Variants in EZR observed in about 807,000 individuals in gnomAD.
EZR encodes the protein cytovillin 2.
A neutral mutation model predicts 74.8 loss-of-function variants in EZR; 40 were observed. The observed-to-expected ratio is 0.53, with a 90% CI of 0.42 to 0.70. The LOEUF is 0.70. EZR is among the 30% of genes least tolerant of loss of function. The pLI, the probability that EZR is intolerant of heterozygous loss-of-function variation, is 0.00. For synonymous variants in EZR, 341 were observed against 283.3 expected (o/e 1.20, Z -2.05); for missense variants, 678 against 755.8 (o/e 0.90, Z 1.21).
intron 2 of EZR, among the ~76,000 whole-genome samples, chr6:158,802,808 G>A (rs1371170823): frequency 1.3e-5 from 2 of 152,150 alleles, no homozygotes; most frequent in Non-Finnish European, 2.9e-5. Context: ...GGGATTACAG[G>A]TGTGAGCCAC....
intron 11 of EZR, 140 bp from the exon 12 acceptor site, chr6:158,769,558 GGGT>G (rs1791031433): frequency 9.6e-7 from 1 of 1,043,458 alleles, no homozygotes; most frequent in African/African-American, 1.6e-5. Flanking sequence ...ATGGCCAGCA[GGGT>G]CCATTGTGCA....
At chr6:158,799,252 C>G (rs1410690804) in intron 2 of EZR, among the ~76,000 whole-genome samples, 1 of 152,144 alleles carries the variant, frequency 6.6e-6, no homozygotes, top group Non-Finnish European at 1.5e-5. Context: ...AAACAGTTTC[C>G]TGGACCCCAG....
intron 2 of EZR, among the ~76,000 whole-genome samples, chr6:158,809,569 G>C (rs549017771): frequency 6.6e-6 from 1 of 152,274 alleles, no homozygotes; most frequent in African/African-American, 2.4e-5. Context: ...TAGTTTCTGA[G>C]TCCATGCTCA....
chr6:158,782,388 T>C (rs1791455742), intron 7 of EZR, among the ~76,000 whole-genome samples: 1 of 152,136 alleles, frequency 6.6e-6, no homozygotes, highest in Admixed American at 6.5e-5. Flanking sequence ...TGGGGGAACC[T>C]GAGATGTGGG....
At chr6:158,772,209 G>C (rs73799903) in intron 8 of EZR, among the ~76,000 whole-genome samples, 1 of 152,220 alleles carries the variant, frequency 6.6e-6, no homozygotes, top group Non-Finnish European at 1.5e-5. Flanking sequence ...AAGGGCAGGG[G>C]CCACACATTC....
intron 1 of EZR, among the ~76,000 whole-genome samples, chr6:158,818,827 G>GGGGAGAGGGGGCACAGGGC (rs1229272370): frequency 1.3e-5 from 2 of 150,188 alleles, no homozygotes; most frequent in African/African-American, 2.4e-5. Flanking sequence ...GGAGGGGTCA[G>GGGGAGAGGGGGCACAGGGC]GGGAGAGGGG....
At chr6:158,785,989 T>A (rs1241337719) in intron 4 of EZR, among the ~76,000 whole-genome samples, 1 of 152,168 alleles carries the variant, frequency 6.6e-6, no homozygotes, top group East Asian at 1.9e-4. Context: ...AGTTCGAGAC[T>A]GCAGTGAGCT....
At chr6:158,810,094 GACT>G (rs921512071) in intron 2 of EZR, among the ~76,000 whole-genome samples, 2 of 152,178 alleles carry the variant, frequency 1.3e-5, no homozygotes, top group African/African-American at 4.8e-5. Context: ...CTGATATACT[GACT>G]ACTAGAGTTT....
chr6:158,800,166 T>C (rs1777159973), intron 2 of EZR, among the ~76,000 whole-genome samples: 1 of 152,176 alleles, frequency 6.6e-6, no homozygotes, highest in Non-Finnish European at 1.5e-5. Flanking sequence ...TATCAAAATA[T>C]TCAAAACATT....
At chr6:158,818,011 C>A in intron 2 of EZR, 71 bp downstream of exon 2, 1 of 1,519,824 alleles carries the variant, frequency 6.6e-7, no homozygotes, top group East Asian at 2.3e-5. Flanking sequence ...TGCCCCAACA[C>A]CTCGAGCAGG....
intron 5 of EZR, among the ~76,000 whole-genome samples, chr6:158,784,941 A>G (rs372737733): frequency 2.0e-5 from 3 of 152,220 alleles, no homozygotes; most frequent in African/African-American, 7.2e-5. Flanking sequence ...GTTCTGCTGG[A>G]AAAACTAAGA....
chr6:158,767,085 C>CATTA lies in EZR; in HGVS notation c.1597-11_1597-8dup, dbSNP rs539503188. On this transcript the variant is annotated splice_region_variant and splice_polypyrimidine_tract_variant and intron_variant, in intron 13 of 13. Coordinates refer to ENST00000367075, the MANE Select transcript of EZR (RefSeq NM_001111077.2). ...ACAGCTCGCTGCTCAGCGTCTGTAA[C>CATTA]ATTAAGCAGCATTGGTCTAGTCCCT... 8.2e-5 allele frequency: 132 copies of CATTA among 1,614,038 alleles called. No individual in the cohort carries two copies. In the East Asian group the frequency reaches 2.8e-3, roughly 35 times the overall value.
At chr6:158,803,582 CATATATATATATATATAT>C (rs60495898) in intron 2 of EZR, among the ~76,000 whole-genome samples, 1,645 of 43,630 alleles carry the variant, frequency 0.038, 351 homozygotes, top group African/African-American at 0.1. Context: ...TATATATATA[CATATATATATATATATAT>C]ATATACATAT....
chr6:158,787,275 T>C (rs1250856161), intron 3 of EZR, 72 bp from the exon 4 acceptor site: 6 of 1,274,324 alleles, frequency 4.7e-6, no homozygotes, highest in East Asian at 2.3e-5. Flanking sequence ...TTGGCTGTCG[T>C]TCATCACATG....
rs2128564977 is a variant in EZR at position 158,769,942 on chromosome 6, G to A, written c.1093C>T (p.Leu365Phe). 6.2e-7 allele frequency: 1 copy of A among 1,609,706 alleles called. No homozygotes were observed. The change falls in exon 11 of 14, where the codon CTC becomes TTC. Residue 365 changes from leucine (L) to phenylalanine (F), a missense_variant and splice_region_variant. By Grantham distance (22) the Leu-to-Phe change is conservative. Around this residue, in one of 3 missense-constraint regions of EZR, gnomAD observed 342 missense variants for 341.2 expected, o/e 1.00. Transcript: ENST00000367075. ...AGGGCCCTCTGAATCTGCTCCGAGA[G>A]CTCTGCAAAGACACAAAGCCAGAGC... Reference protein sequence around the residue: ...EEKTKKAERELSEQIQRALQL... With the variant: ...EEKTKKAEREFSEQIQRALQL...
At position 158,771,416 on chromosome 6, in the gene EZR, CAG is replaced by C; in HGVS notation, c.796-11_796-10del. On this transcript the variant is annotated splice_polypyrimidine_tract_variant and intron_variant, in intron 8 of 13. Coordinates refer to ENST00000367075, the MANE Select transcript of EZR (RefSeq NM_001111077.2). ...GCATAAAACACAAAGTCCTACAAAA[CAG>C]AACAGGGCCACCTGGACTCAAGCTC... is the stretch of plus-strand genomic sequence containing the variant. 6.3e-7 allele frequency: 1 copy of C among 1,589,262 alleles called. No homozygotes were observed. Among genetic ancestry groups the C allele is most frequent in the Non-Finnish European group, 8.6e-7 (1 of 1,165,164 alleles).
At chr6:158,783,752 G>A in intron 6 of EZR, 86 bp from the exon 7 acceptor site, 2 of 1,457,694 alleles carry the variant, frequency 1.4e-6, no homozygotes, top group South Asian at 1.3e-5. Flanking sequence ...TTTAAATTAA[G>A]GCGCCTTGTG....
Position 158,785,497 on chromosome 6 carries a change from G to T in EZR, c.279C>A (p.Leu93=), listed in dbSNP as rs145900740. Residue 93 remains leucine (L), a synonymous_variant, in exon 5 of 14, where the codon CTC becomes CTA. Transcript: ENST00000367075. Reference sequence around the variant, plus strand: ...AAAGTTTCTGGGTGATGTCCTGGATGAGCTCCTCAGCCACATCTTCAGGGT... The same window carrying T: ...AAAGTTTCTGGGTGATGTCCTGGATTAGCTCCTCAGCCACATCTTCAGGGT... The part of the protein sequence containing the change: ...KFYPEDVAEE[L]IQDITQKLFF... 1.2e-6 allele frequency: 2 copies of T among 1,614,220 alleles called. No homozygotes were observed. Among genetic ancestry groups the T allele is most frequent in the Non-Finnish European group, 1.7e-6 (2 of 1,180,038 alleles).
chr6:158,792,112 C>T (rs997325792), intron 2 of EZR, among the ~76,000 whole-genome samples: 2 of 152,180 alleles, frequency 1.3e-5, no homozygotes, highest in African/African-American at 2.4e-5. Context: ...AGATATTAAG[C>T]ATTTTGCAAA....
Sources: allele counts gnomAD v4.1 joint callset (sites outside exome capture counted in the v4.1 genomes callset), GRCh38; gene constraint gnomAD v4.1.1; regional missense constraint gnomAD v4.1.1; transcripts MANE v1.5; gene names NCBI Gene and HGNC (gene_info 2026-07-23, HGNC 2026-07-21).